Variants in MAPK8 observed in about 807,000 individuals in gnomAD.
MAPK8 encodes the protein mitogen-activated protein kinase 8.
In MAPK8, 13 loss-of-function variants were observed where a neutral mutation model predicts 52.9. The ratio of observed to expected loss-of-function variants is 0.25; its 90% CI spans 0.16 to 0.39. The LOEUF (loss-of-function observed/expected upper bound fraction) is 0.39, where lower values mean the gene tolerates loss of function less well. MAPK8 is among the 10% of genes least tolerant of loss of function. The pLI is 1.00. For missense variants in MAPK8, 300 were observed against 519.2 expected (o/e 0.58, Z 4.10); for synonymous variants, 191 against 169.8 (o/e 1.12, Z -0.97).
intron 1 of MAPK8, among the ~76,000 whole-genome samples, chr10:48,315,583 G>A (rs1842418151): frequency 6.9e-6 from 1 of 145,678 alleles, no homozygotes; most frequent in Non-Finnish European, 1.5e-5. Context: ...ATTTTTTTTT[G>A]CTGTTTTATA....
At chr10:48,409,730 T>C in intron 3 of MAPK8, 149 bp from the exon 4 acceptor site, 1 of 624,264 alleles carries the variant, frequency 1.6e-6, no homozygotes, top group South Asian at 2.1e-5. Context: ...AGTTGCAATA[T>C]ATAAAATGAA....
At chr10:48,424,673 C>T (rs1269872206) in intron 7 of MAPK8, 28 of 763,056 alleles carry the variant, frequency 3.7e-5, no homozygotes, top group Non-Finnish European at 5.4e-5. Flanking sequence ...TGTATTTTGT[C>T]TCTCCCTAAT....
chr10:48,337,949 A>G (rs1398186708), intron 1 of MAPK8, among the ~76,000 whole-genome samples: 1 of 152,146 alleles, frequency 6.6e-6, no homozygotes, highest in Admixed American at 6.5e-5. Context: ...CGTTGAATAC[A>G]TAATAAAATC....
At chr10:48,362,737 GTTT>G (rs10715224) in intron 1 of MAPK8, among the ~76,000 whole-genome samples, 21 of 87,704 alleles carry the variant, frequency 2.4e-4, no homozygotes, top group African/African-American at 4.6e-4. Flanking sequence ...AATTTTATTA[GTTT>G]TTTTTTTTTT....
At chr10:48,347,875 T>C (rs1845938413) in intron 1 of MAPK8, among the ~76,000 whole-genome samples, 1 of 152,222 alleles carries the variant, frequency 6.6e-6, no homozygotes, top group African/African-American at 2.4e-5. Context: ...CATGTGGCTT[T>C]ATAGTAGAAT....
intron 1 of MAPK8, among the ~76,000 whole-genome samples, chr10:48,362,846 T>G (rs1847674089): frequency 6.6e-6 from 1 of 150,454 alleles, no homozygotes; most frequent in Non-Finnish European, 1.5e-5. Flanking sequence ...GTTCAAACAA[T>G]TCTCCTGCCT....
At chr10:48,313,793 T>C (rs1302011054) in intron 1 of MAPK8, among the ~76,000 whole-genome samples, 1 of 152,164 alleles carries the variant, frequency 6.6e-6, no homozygotes, top group Non-Finnish European at 1.5e-5. Flanking sequence ...CTCACTCTTG[T>C]TGCCCAGGCT....
intron 1 of MAPK8, among the ~76,000 whole-genome samples, chr10:48,357,630 T>C: frequency 6.6e-6 from 1 of 152,148 alleles, no homozygotes. Context: ...ACCCCTGGGC[T>C]CAAGCAATGC....
At chr10:48,409,047 T>G (rs2042610796) in intron 3 of MAPK8, among the ~76,000 whole-genome samples, 1 of 152,192 alleles carries the variant, frequency 6.6e-6, no homozygotes, top group East Asian at 1.9e-4. Context: ...TTCCAAATAC[T>G]ATCACATTGG....
At chr10:48,347,596 G>C (rs1427791460) in intron 1 of MAPK8, among the ~76,000 whole-genome samples, 4 of 152,114 alleles carry the variant, frequency 2.6e-5, no homozygotes, top group African/African-American at 9.7e-5. Flanking sequence ...CCCTCCCTGT[G>C]TCCATGTGTT....
At chr10:48,396,685 T>C (rs2041904227) in intron 1 of MAPK8, among the ~76,000 whole-genome samples, 1 of 152,142 alleles carries the variant, frequency 6.6e-6, no homozygotes, top group Non-Finnish European at 1.5e-5. Flanking sequence ...AGATAGCAAA[T>C]TGTCATACAT....
At chr10:48,422,747 G>A (rs2043440219) in intron 6 of MAPK8, among the ~76,000 whole-genome samples, 1 of 151,970 alleles carries the variant, frequency 6.6e-6, no homozygotes, top group South Asian at 2.1e-4. Context: ...CTTGAAAGCT[G>A]AACCATGACA....
At chr10:48,393,071 C>G (rs909059340) in intron 1 of MAPK8, among the ~76,000 whole-genome samples, 3 of 152,096 alleles carry the variant, frequency 2.0e-5, no homozygotes, top group African/African-American at 7.2e-5. Flanking sequence ...TCCTTGTCAG[C>G]TCATCTTTCT....
At chr10:48,343,974 A>G (rs1038197215) in intron 1 of MAPK8, among the ~76,000 whole-genome samples, 1 of 152,174 alleles carries the variant, frequency 6.6e-6, no homozygotes, top group African/African-American at 2.4e-5. Flanking sequence ...CAAGACAGGA[A>G]TCTAAGGAGT....
In MAPK8 at chr10:48,424,501, A is replaced by C. The variant is rs748241132; in HGVS notation, c.688+342A>C. On this transcript the variant is annotated intron_variant, in intron 7 of 11. Transcript: ENST00000374189. ...AAAATCTTTATGTTAATGTCATTGC[A>C]TTTTGTTTTCAGTTGACATTTGGTC... is the stretch of plus-strand genomic sequence containing the variant. 5.8e-6 allele frequency: 9 copies of C among 1,542,832 alleles called. No individual in the cohort carries two copies. In the Admixed American group the frequency reaches 1.7e-4, roughly 29 times the overall value.
At chr10:48,392,491 C>A (rs1370517073) in intron 1 of MAPK8, among the ~76,000 whole-genome samples, 2 of 151,866 alleles carry the variant, frequency 1.3e-5, no homozygotes, top group Non-Finnish European at 2.9e-5. Flanking sequence ...TAATATCACA[C>A]TTGGAAATTG....
chr10:48,413,854 T>TTCA (rs2042911658), intron 5 of MAPK8, among the ~76,000 whole-genome samples: 3 of 128,356 alleles, frequency 2.3e-5, no homozygotes, highest in South Asian at 2.6e-4. Context: ...TATATATATA[T>TTCA]ATATATTCAG....
rs2045111226 is a variant in MAPK8 at position 48,439,304 on chromosome 10, T to C, written c.*4275T>C. 2 of 149,342 alleles carry C rather than the reference T, an allele frequency of 1.3e-5. No homozygotes were observed. The highest frequency in any genetic ancestry group is 1.3e-4 in the Admixed American group (2 of 14,900). The allele number at this position is 149,342 out of a possible 1,614,324, so 9.3% of individuals were successfully genotyped here. A position where few individuals can be genotyped will look rare whatever the true frequency, so the allele number is the denominator to read the frequency against. Reference sequence around the variant, plus strand: ...AATGTAAACAATGTTATCTAGTATGTCAATTGGTTATAATATTTTAAATAA... The same window carrying C: ...AATGTAAACAATGTTATCTAGTATGCCAATTGGTTATAATATTTTAAATAA... On this transcript the variant is annotated 3_prime_UTR_variant, in exon 12 of 12. Transcript: ENST00000374189.
chr10:48,425,604 T>G, intron 7 of MAPK8: 2 of 336,056 alleles, frequency 6.0e-6, no homozygotes, highest in East Asian at 9.9e-5. Flanking sequence ...GTCATTATTC[T>G]TAGTTGCTTA....
Sources: gnomAD v4.1 joint callset for allele counts (sites outside exome capture counted in the v4.1 genomes callset) on GRCh38, gnomAD v4.1.1 for gene constraint, MANE v1.5 for transcripts, NCBI Gene and HGNC (gene_info 2026-07-23, HGNC 2026-07-21) for gene names.